PCDHA4: variants seen among roughly 807,000 people sequenced by gnomAD.
The protein encoded by PCDHA4 is protocadherin alpha-4.
PCDHA4 carries 49 observed loss-of-function variants against 61.4 expected under a neutral mutation model. The ratio of observed to expected loss-of-function variants is 0.80; its 90% CI spans 0.63 to 1.01. The LOEUF (loss-of-function observed/expected upper bound fraction) is 1.01. Ranked by LOEUF, PCDHA4 falls within the 50% of genes least tolerant of loss-of-function variation. PCDHA4 has a pLI of 0.00. For synonymous variants in PCDHA4, 590 were observed against 550.3 expected, an observed-to-expected ratio of 1.07 and a Z score of -1.01; for missense variants, 1,254 against 1,235.8, an observed-to-expected ratio of 1.01 and a Z score of -0.22.
intron 1 of PCDHA4, among the ~76,000 whole-genome samples, chr5:140,934,368 C>A (rs2089796426): frequency 6.6e-6 from 1 of 152,102 alleles, no homozygotes; most frequent in African/African-American, 2.4e-5. Context: ...TGCTTTGACT[C>A]CTTCTGTGGT....
chr5:140,813,309 C>CA (rs1421789078), intron 1 of PCDHA4: 1 of 152,146 alleles, frequency 6.6e-6, no homozygotes, highest in Non-Finnish European at 1.5e-5. Context: ...CATCACTGTG[C>CA]AAACATGAGA....
At chr5:140,810,794 C>T (rs547494894) in intron 1 of PCDHA4, 1 of 152,032 alleles carries the variant, frequency 6.6e-6, no homozygotes, top group Admixed American at 6.5e-5. Context: ...AACCTCATGG[C>T]TAGTTTTTAA....
At chr5:140,908,692 C>G (rs2074096551) in intron 1 of PCDHA4, among the ~76,000 whole-genome samples, 1 of 152,208 alleles carries the variant, frequency 6.6e-6, no homozygotes, top group South Asian at 2.1e-4. Context: ...CTGCCACTGA[C>G]ACCTCAAGCA....
intron 1 of PCDHA4, among the ~76,000 whole-genome samples, chr5:140,888,380 A>G (rs1348796416): frequency 6.6e-6 from 1 of 152,192 alleles, no homozygotes; most frequent in East Asian, 1.9e-4. Context: ...GAGCTCTGAG[A>G]TGCTGCTAAA....
intron 3 of PCDHA4, among the ~76,000 whole-genome samples, chr5:140,992,975 T>G (rs2097535680): frequency 6.6e-6 from 1 of 152,178 alleles, no homozygotes; most frequent in Admixed American, 6.6e-5. Context: ...TGACAATGAT[T>G]AGGCCATGGG....
intron 1 of PCDHA4, chr5:140,822,002 T>A (rs2150112881): frequency 6.2e-7 from 1 of 1,614,048 alleles, no homozygotes; most frequent in Non-Finnish European, 8.5e-7. Context: ...CTTCTGGAGG[T>A]AAATCTGCAG....
chr5:140,882,628 G>A (rs1554174947), intron 1 of PCDHA4: 9 of 1,614,252 alleles, frequency 5.6e-6, no homozygotes, highest in Non-Finnish European at 7.6e-6. Flanking sequence ...TCCATGTGGA[G>A]GTGAAGGTGA....
chr5:140,853,498 C>T (rs983966911), intron 1 of PCDHA4: 1 of 976,590 alleles, frequency 1.0e-6, no homozygotes, highest in African/African-American at 1.8e-5. Flanking sequence ...AAGTTAGAAT[C>T]ATGAAACAAT....
chr5:140,902,565 T>G (rs571957153), intron 1 of PCDHA4, among the ~76,000 whole-genome samples: 1 of 152,110 alleles, frequency 6.6e-6, no homozygotes. Context: ...TTTTTGAGGG[T>G]TTTTAAGATT....
chr5:140,856,580 G>A lies in PCDHA4; in HGVS notation c.2385+47008G>A, dbSNP rs537848812. 23 of 1,597,760 alleles carry A rather than the reference G, an allele frequency of 1.4e-5. 2 individuals carry two copies. In the South Asian group the frequency reaches 2.5e-4, roughly 18 times the overall value. On this transcript the variant is annotated intron_variant, in intron 1 of 3. Coordinates refer to ENST00000530339, the MANE Select transcript of PCDHA4 (RefSeq NM_018907.4). ...CAAACTCAGTCCAAATGAGTATTTT[G>A]TTCTTGATATTATAAACAAAAAAGA...
chr5:140,822,258 T>A (rs2150114937), intron 1 of PCDHA4: 42 of 1,614,142 alleles, frequency 2.6e-5, no homozygotes, highest in South Asian at 2.0e-4. Flanking sequence ...ATTTGGATAT[T>A]GGAGCAAATG....
Position 140,963,857 on chromosome 5 carries a change from G to A in PCDHA4, c.2386-15092G>A, listed in dbSNP as rs181224305. The stretch of plus-strand genomic sequence containing the variant: ...TTCTCATGTAATCATAATAATAACC[G>A]TATGAGTTTTGCTTACTATTGTTTT... On this transcript the variant is annotated intron_variant, in intron 1 of 3. Transcript: ENST00000530339. Among the ~76,000 whole-genome samples the A allele has an allele frequency of 5.3e-5, 8 of 152,252 alleles. 1 individual carries two copies. The East Asian group carries it at 7.7e-4, about 15-fold the overall frequency.
chr5:140,858,362 C>A, intron 1 of PCDHA4: 1 of 1,591,614 alleles, frequency 6.3e-7, no homozygotes, highest in Non-Finnish European at 8.6e-7. Flanking sequence ...GGCCTTCAGC[C>A]CCAGCCTTCC....
chr5:140,862,390 A>T (rs1325136355), intron 1 of PCDHA4: 3 of 349,930 alleles, frequency 8.6e-6, no homozygotes, highest in African/African-American at 6.4e-5. Context: ...ACGTCTCTTC[A>T]AGCTGGTGTC....
chr5:140,981,959 A>C (rs76200785), intron 2 of PCDHA4, among the ~76,000 whole-genome samples: 3,104 of 152,312 alleles, frequency 0.02, 114 homozygotes, highest in African/African-American at 0.071. Flanking sequence ...TCATCTATGC[A>C]TAAAAGATAT....
At position 140,857,364 on chromosome 5, in the gene PCDHA4, G is replaced by A. The variant is rs1464300143; in HGVS notation, c.2385+47792G>A. The A allele has an allele frequency of 2.5e-6, 4 of 1,598,296 alleles. No individual in the cohort carries two copies. In the East Asian group the frequency reaches 8.9e-5, roughly 36 times the overall value. On this transcript the variant is annotated intron_variant, in intron 1 of 3. Coordinates refer to ENST00000530339, the MANE Select transcript of PCDHA4 (RefSeq NM_018907.4). ...TCGCCTCCGCTGTGGGCCACGGCCA[G>A]CGTGTCTGTGGAGGTGGCCGACGTG...
chr5:141,004,619 G>C (rs1004302739), intron 3 of PCDHA4, among the ~76,000 whole-genome samples: 9 of 152,136 alleles, frequency 5.9e-5, no homozygotes, highest in Non-Finnish European at 1.0e-4. Context: ...GCAGAGTCCT[G>C]GTTATGGTTG....
In PCDHA4 at chr5:141,012,204, T is replaced by C. The variant is rs1053312501; in HGVS notation, c.*2267T>C. The C allele has an allele frequency of 1.3e-5, 2 of 153,800 alleles. No homozygotes were observed. Among genetic ancestry groups the C allele is most frequent in the African/African-American group, 4.8e-5 (2 of 41,474 alleles). 9.5% of individuals were successfully genotyped at this position (153,800 alleles called of 1,614,324 possible). On this transcript the variant is annotated 3_prime_UTR_variant, in exon 4 of 4. Transcript: ENST00000530339. ...TATAATGTATCTGTACAGCACTTTT[T>C]ACATTTGCGAAGTGCTTTCCAATCC...
At chr5:140,856,763 C>G (rs1004781576) in intron 1 of PCDHA4, 3 of 1,596,086 alleles carry the variant, frequency 1.9e-6, no homozygotes, top group Admixed American at 1.7e-5. Flanking sequence ...TGATAACGCC[C>G]CTATCTTTGA....
Sources: gnomAD v4.1 joint callset for allele counts (sites outside exome capture counted in the v4.1 genomes callset) on GRCh38, gnomAD v4.1.1 for gene constraint, MANE v1.5 for transcripts, NCBI Gene and HGNC (gene_info 2026-07-23, HGNC 2026-07-21) for gene names.